Variants in HS6ST2 observed in about 807,000 individuals in gnomAD.
The protein encoded by HS6ST2 is heparan sulfate 6-O-sulfotransferase 2, also known as heparan-sulfate 6-O-sulfotransferase 2.
HS6ST2 carries 17 observed loss-of-function variants against 33.0 expected under a neutral mutation model. That is an observed-to-expected ratio of 0.52 (90% CI 0.35 to 0.77). The LOEUF is 0.77. HS6ST2 is among the 30% of genes least tolerant of loss of function. HS6ST2 has a pLI of 0.01. For synonymous variants in HS6ST2, 248 were observed against 237.1 expected, an observed-to-expected ratio of 1.05 and a Z score of -0.42; for missense variants, 519 against 551.7, an observed-to-expected ratio of 0.94 and a Z score of 0.59.
At chrX:132,722,421 T>C (rs942962194) in intron 2 of HS6ST2, among the ~76,000 whole-genome samples, 1 of 111,361 alleles carries the variant, frequency 9.0e-6, no homozygotes. Context: ...CTTTCAGGTA[T>C]GCCAAAATAA....
At chrX:132,725,246 G>T (rs1264370072) in intron 2 of HS6ST2, among the ~76,000 whole-genome samples, 1 of 109,539 alleles carries the variant, frequency 9.1e-6, no homozygotes, top group Non-Finnish European at 1.9e-5. Context: ...TAAAGTGAAG[G>T]GAAAATATTT....
intron 2 of HS6ST2, among the ~76,000 whole-genome samples, chrX:132,786,853 C>A (rs952511992): frequency 9.2e-6 from 1 of 108,499 alleles, no homozygotes; most frequent in Admixed American, 1.0e-4. Context: ...AACTCCTGAC[C>A]TCAGGCAATC....
upstream of HS6ST2, chrX:132,958,951 A>C (rs182160188): frequency 2.0e-3 from 428 of 210,579 alleles, no homozygotes; most frequent in African/African-American, 0.011. Flanking sequence ...TTTAGAGCAC[A>C]GACTGTCTTC....
rs1271285561 is a variant in HS6ST2 at position 132,626,726 on chromosome X, C to A, written c.*1497G>T. 2 of 111,945 alleles carry A rather than the reference C, an allele frequency of 1.8e-5. No individual in the cohort carries two copies. Among genetic ancestry groups the A allele is most frequent in the Non-Finnish European group, 3.8e-5 (2 of 53,188 alleles). The allele number at this position is 111,945 out of a possible 1,213,427, so 9.2% of individuals were successfully genotyped here. A position where few individuals can be genotyped will look rare whatever the true frequency, so the allele number is the denominator to read the frequency against. Reference sequence around the variant, plus strand: ...TTACAGCCAGGAGGTTAGTGTAAGTCCTTGCATAAGTATAGCAAAATCCAC... The same window carrying A: ...TTACAGCCAGGAGGTTAGTGTAAGTACTTGCATAAGTATAGCAAAATCCAC... On this transcript the variant is annotated 3_prime_UTR_variant, in exon 5 of 5. Coordinates refer to ENST00000370833, the MANE Select transcript of HS6ST2 (RefSeq NM_001394073.1).
intron 2 of HS6ST2, among the ~76,000 whole-genome samples, chrX:132,833,089 C>T (rs1453876649): frequency 1.8e-5 from 2 of 111,928 alleles, no homozygotes; most frequent in Non-Finnish European, 3.8e-5. Flanking sequence ...TTTGACCTAA[C>T]ATTACAACAT....
chrX:132,693,970 T>TC lies in HS6ST2; in HGVS notation c.980+14491dup, dbSNP rs2064085503. Among the ~76,000 whole-genome samples the TC allele has an allele frequency of 6.2e-5, 7 of 112,092 alleles. No individual in the cohort carries two copies. The South Asian group carries it at 2.6e-3, about 42-fold the overall frequency. ...CACAGATTTTGTTTTTCAAACATATTCCCTGAGAAAAACTGAGAAAGCAAT... is the reference window on the plus strand; with the variant it reads ...CACAGATTTTGTTTTTCAAACATATTCCCCTGAGAAAAACTGAGAAAGCAAT... On this transcript the variant is annotated intron_variant, in intron 3 of 4. Transcript: ENST00000370833.
intron 2 of HS6ST2, among the ~76,000 whole-genome samples, chrX:132,811,685 A>ATATATATAT (rs2065345840): frequency 6.7e-5 from 2 of 29,808 alleles, no homozygotes; most frequent in East Asian, 1.5e-3. Flanking sequence ...AAGGCTGAAT[A>ATATATATAT]ATATATATAT....
At chrX:132,938,640 A>AAATAAT (rs754088125) in intron 2 of HS6ST2, among the ~76,000 whole-genome samples, 15 of 109,809 alleles carry the variant, frequency 1.4e-4, no homozygotes, top group African/African-American at 2.6e-4. Context: ...ACCTTGTCTC[A>AAATAAT]AATAATAATA....
intron 2 of HS6ST2, among the ~76,000 whole-genome samples, chrX:132,764,509 C>T (rs192369780): frequency 9.0e-6 from 1 of 111,614 alleles, no homozygotes; most frequent in African/African-American, 3.3e-5. Flanking sequence ...TCTTGGGGAC[C>T]AAATCCCTGT....
chrX:132,891,310 A>G (rs1321005406), intron 2 of HS6ST2, among the ~76,000 whole-genome samples: 2 of 102,608 alleles, frequency 1.9e-5, no homozygotes, highest in Non-Finnish European at 4.0e-5. Flanking sequence ...CATTTGGATA[A>G]GCAGGTTTCC....
chrX:132,652,053 A>G (rs1278267767), intron 4 of HS6ST2, among the ~76,000 whole-genome samples: 1 of 111,726 alleles, frequency 9.0e-6, no homozygotes, highest in Non-Finnish European at 1.9e-5. Context: ...TCCTGCTTCA[A>G]ACCTACACTG....
At chrX:132,779,625 T>A (rs2065000426) in intron 2 of HS6ST2, among the ~76,000 whole-genome samples, 4 of 111,055 alleles carry the variant, frequency 3.6e-5, no homozygotes, top group Admixed American at 1.9e-4. Flanking sequence ...GAAGATTCAT[T>A]TGGGACTGTT....
At position 132,840,244 on chromosome X, in the gene HS6ST2, C is replaced by A. The variant is rs181125046; in HGVS notation, c.947+116564G>T. On this transcript the variant is annotated intron_variant, in intron 2 of 4. Coordinates refer to ENST00000370833, the MANE Select transcript of HS6ST2 (RefSeq NM_001394073.1). ...TCTTTAGTTCTAATTTGATATTATACCCACAAAGATCCAGTTAATTTAACA... is the reference window on the plus strand; with the variant it reads ...TCTTTAGTTCTAATTTGATATTATAACCACAAAGATCCAGTTAATTTAACA... Among the ~76,000 whole-genome samples the A allele has an allele frequency of 7.2e-5, 8 of 111,711 alleles. No individual in the cohort carries two copies. In the Admixed American group the frequency reaches 7.6e-4, roughly 11 times the overall value.
chrX:132,813,451 T>C (rs1288225654), intron 2 of HS6ST2, among the ~76,000 whole-genome samples: 1 of 111,624 alleles, frequency 9.0e-6, no homozygotes, highest in Non-Finnish European at 1.9e-5. Flanking sequence ...TCCATCCTTG[T>C]TTTCCCTCAA....
At chrX:132,693,661 A>T (rs1369598924) in intron 3 of HS6ST2, among the ~76,000 whole-genome samples, 1 of 111,996 alleles carries the variant, frequency 8.9e-6, no homozygotes, top group Non-Finnish European at 1.9e-5. Context: ...CCGAGTGTTA[A>T]CTATCTAAAC....
intron 2 of HS6ST2, among the ~76,000 whole-genome samples, chrX:132,788,329 G>A (rs377180413): frequency 9.0e-6 from 1 of 111,375 alleles, no homozygotes; most frequent in East Asian, 2.8e-4. Context: ...AGTGATCATT[G>A]ATGTTACTCT....
chrX:132,631,879 C>T (rs2063520394), intron 4 of HS6ST2, among the ~76,000 whole-genome samples: 2 of 111,705 alleles, frequency 1.8e-5, no homozygotes, highest in Admixed American at 1.9e-4. Flanking sequence ...AGAGCAAATA[C>T]ATCCCAACCA....
At chrX:132,726,768 T>G (rs912862474) in intron 2 of HS6ST2, among the ~76,000 whole-genome samples, 2 of 112,212 alleles carry the variant, frequency 1.8e-5, no homozygotes, top group Admixed American at 1.9e-4. Context: ...AACAGTGACC[T>G]TTTGTATCTG....
At chrX:132,831,067 A>G (rs1332720652) in intron 2 of HS6ST2, among the ~76,000 whole-genome samples, 1 of 111,805 alleles carries the variant, frequency 8.9e-6, no homozygotes, top group Non-Finnish European at 1.9e-5. Flanking sequence ...AAACTATCTC[A>G]GGACTTTTGT....
Sources: allele counts gnomAD v4.1 joint callset (sites outside exome capture counted in the v4.1 genomes callset), GRCh38; gene constraint gnomAD v4.1.1; transcripts MANE v1.5; gene names NCBI Gene and HGNC (gene_info 2026-07-23, HGNC 2026-07-21).